The following PTPN12 variants were observed in gnomAD, a reference collection of about 807,000 sequenced individuals.
PTPN12 encodes protein tyrosine phosphatase non-receptor type 12, also known as tyrosine-protein phosphatase non-receptor type 12.
PTPN12 carries 29 observed loss-of-function variants against 97.6 expected under a neutral mutation model. The observed-to-expected ratio is 0.30, with a 90% confidence interval of 0.22 to 0.41. The LOEUF (loss-of-function observed/expected upper bound fraction) is 0.41, where lower values mean the gene tolerates loss of function less well. PTPN12 is among the 10% of genes least tolerant of loss of function. The pLI, the probability that PTPN12 is intolerant of heterozygous loss-of-function variation, is 1.00. For synonymous variants in PTPN12, 327 were observed against 300.4 expected (o/e 1.09, Z -0.91); for missense variants, 819 against 926.0 (o/e 0.88, Z 1.50).
chr7:77,570,016 A>G (rs1412985566), intron 1 of PTPN12, among the ~76,000 whole-genome samples: 1 of 152,152 alleles, frequency 6.6e-6, no homozygotes, highest in Non-Finnish European at 1.5e-5. Context: ...TGACACATGT[A>G]TATATTTGGA....
rs767614876 is a variant in PTPN12, at chr7:77,638,683, G to A, written c.2233G>A (p.Asp745Asn). 1.9e-6 allele frequency: 3 copies of A among 1,607,772 alleles called. No individual in the cohort carries two copies. The highest frequency in any genetic ancestry group is 1.3e-5 in the African/African-American group (1 of 74,600). The change falls in exon 17 of 18, where the codon GAC becomes AAC. Residue 745 changes from aspartate to asparagine, a missense_variant. Around this residue, in one of 5 missense-constraint regions of PTPN12, gnomAD observed 607 missense variants for 577.3 expected, o/e 1.05. Coordinates refer to ENST00000248594, the MANE Select transcript of PTPN12 (RefSeq NM_002835.4). ...MCIECPPTFS[D>N]KREQISENPT... ...CATAGAATGTCCACCTACTTTCAGT[G>A]ACAAGAGAGAACAAATATCAGAAAA...
chr7:77,571,397 A>T (rs532336645), intron 2 of PTPN12, among the ~76,000 whole-genome samples: 1 of 152,216 alleles, frequency 6.6e-6, no homozygotes, highest in Non-Finnish European at 1.5e-5. Flanking sequence ...TAAGTATCAC[A>T]GTTGCTCTAA....
intron 15 of PTPN12, 130 bp from the exon 16 acceptor site, chr7:77,636,888 T>C (rs1359790648): frequency 1.6e-6 from 1 of 624,922 alleles, no homozygotes; most frequent in Non-Finnish European, 2.7e-6. Flanking sequence ...AACAATTGTT[T>C]GCTTTTCCTC....
intron 1 of PTPN12, among the ~76,000 whole-genome samples, chr7:77,553,021 G>A (rs1489495557): frequency 6.6e-6 from 1 of 152,112 alleles, no homozygotes; most frequent in Non-Finnish European, 1.5e-5. Flanking sequence ...GACCTTTTTG[G>A]TGACAGAGAC....
chr7:77,579,730 T>C (rs1787453161), intron 2 of PTPN12, among the ~76,000 whole-genome samples: 1 of 152,182 alleles, frequency 6.6e-6, no homozygotes, highest in Non-Finnish European at 1.5e-5. Context: ...ATTTTTTCTT[T>C]TTACATAGAT....
intron 1 of PTPN12, among the ~76,000 whole-genome samples, chr7:77,551,514 T>C (rs1807478289): frequency 6.6e-6 from 1 of 152,236 alleles, no homozygotes; most frequent in South Asian, 2.1e-4. Flanking sequence ...TGCTGTTAAT[T>C]GCAGGTTCTC....
At chr7:77,582,505 C>T (rs991937487) in intron 3 of PTPN12, among the ~76,000 whole-genome samples, 3 of 151,904 alleles carry the variant, frequency 2.0e-5, no homozygotes, top group South Asian at 2.1e-4. Context: ...TATGCCAGGC[C>T]GGGCACGGTG....
intron 12 of PTPN12, among the ~76,000 whole-genome samples, chr7:77,621,966 A>T (rs889566258): frequency 6.6e-6 from 1 of 151,948 alleles, no homozygotes; most frequent in Non-Finnish European, 1.5e-5. Flanking sequence ...TTTCTGTTTT[A>T]TTTTGTTTTG....
chr7:77,623,133 AAT>A (rs1298441093), intron 12 of PTPN12, among the ~76,000 whole-genome samples: 1 of 152,182 alleles, frequency 6.6e-6, no homozygotes, highest in African/African-American at 2.4e-5. Flanking sequence ...ATTGTTAAAA[AAT>A]ATAGTTTTTT....
intron 1 of PTPN12, among the ~76,000 whole-genome samples, chr7:77,552,792 C>G (rs918905235): frequency 6.6e-6 from 1 of 152,244 alleles, no homozygotes; most frequent in East Asian, 1.9e-4. Context: ...GGTATTAGAC[C>G]TGGCCATTAC....
At chr7:77,614,987 C>A (rs1562751452) in intron 11 of PTPN12, among the ~76,000 whole-genome samples, 1 of 152,138 alleles carries the variant, frequency 6.6e-6, no homozygotes, top group Non-Finnish European at 1.5e-5. Flanking sequence ...ATATTTATAA[C>A]TACAGTGACT....
intron 8 of PTPN12, among the ~76,000 whole-genome samples, chr7:77,605,849 C>T (rs148882671): frequency 8.5e-4 from 128 of 151,354 alleles, no homozygotes; most frequent in Admixed American, 3.2e-3. Flanking sequence ...TTGCTCAATC[C>T]GTTTTCTAGG....
At chr7:77,617,221 T>G (rs576743305) in intron 11 of PTPN12, among the ~76,000 whole-genome samples, 4 of 152,322 alleles carry the variant, frequency 2.6e-5, no homozygotes, top group East Asian at 1.9e-4. Context: ...TAATAATGCT[T>G]CTTTTTCATT....
chr7:77,635,855 T>C lies in PTPN12; in HGVS notation c.2142+6T>C. The C allele has an allele frequency of 2.5e-6, 4 of 1,592,610 alleles. No homozygotes were observed. Among genetic ancestry groups the C allele is most frequent in the South Asian group, 1.1e-5 (1 of 87,720 alleles). ...CTGAACAAAAAAAGTCTGAAGTAAG[T>C]CCTTTTGGAATTGGAACAGTTATAG... On this transcript the variant is annotated splice_donor_region_variant and intron_variant, in intron 15 of 17. Transcript: ENST00000248594.
intron 1 of PTPN12, among the ~76,000 whole-genome samples, chr7:77,566,139 C>T (rs139593217): frequency 2.0e-5 from 3 of 152,298 alleles, no homozygotes; most frequent in Non-Finnish European, 4.4e-5. Context: ...AAAAATTGTG[C>T]AACTTTGATA....
intron 6 of PTPN12, among the ~76,000 whole-genome samples, chr7:77,593,877 C>T (rs759379046): frequency 1.8e-4 from 28 of 152,216 alleles, no homozygotes; most frequent in Admixed American, 9.8e-4. Flanking sequence ...CATGATTAAA[C>T]GAAATATAAT....
At chr7:77,624,426 CAG>C (rs1276830477) in intron 12 of PTPN12, among the ~76,000 whole-genome samples, 1 of 151,854 alleles carries the variant, frequency 6.6e-6, no homozygotes, top group African/African-American at 2.4e-5. Context: ...CTGAACTTCA[CAG>C]AGTCTTTATT....
chr7:77,605,844 C>G (rs914030126), intron 8 of PTPN12, among the ~76,000 whole-genome samples: 5 of 151,288 alleles, frequency 3.3e-5, no homozygotes, highest in African/African-American at 9.7e-5. Context: ...TGCTGTTGCT[C>G]AATCCGTTTT....
rs1311890121 is a variant in PTPN12 at position 77,555,719 on chromosome 7, C to A, written c.100-15359C>A. On this transcript the variant is annotated intron_variant, in intron 1 of 17. Coordinates refer to ENST00000248594, the MANE Select transcript of PTPN12 (RefSeq NM_002835.4). ...CGTGAGGTCATGAGATCGAGACCAT[C>A]CTGGCTAACACGGTGAAACCCCATC... Among the ~76,000 whole-genome samples the A allele has an allele frequency of 2.6e-5, 4 of 152,106 alleles. No individual in the cohort carries two copies. The East Asian group carries it at 7.7e-4, about 29-fold the overall frequency.
Sources: allele counts gnomAD v4.1 joint callset (sites outside exome capture counted in the v4.1 genomes callset), GRCh38; gene constraint gnomAD v4.1.1; regional missense constraint gnomAD v4.1.1; transcripts MANE v1.5; gene names NCBI Gene and HGNC (gene_info 2026-07-23, HGNC 2026-07-21).